Variants in PHACTR1 observed in about 807,000 individuals in gnomAD.
PHACTR1 encodes the protein phosphatase and actin regulator 1.
Under a neutral mutation model 69.2 loss-of-function variants are expected in PHACTR1, and 16 were observed. The ratio of observed to expected loss-of-function variants is 0.23; its 90% CI spans 0.16 to 0.35. The LOEUF (loss-of-function observed/expected upper bound fraction) is 0.35. PHACTR1 is among the 10% of genes least tolerant of loss of function. The pLI is 1.00. For missense variants in PHACTR1, 510 were observed against 734.7 expected, an observed-to-expected ratio of 0.69 and a Z score of 3.54; for synonymous variants, 312 against 284.5, an observed-to-expected ratio of 1.10 and a Z score of -0.97.
intron 4 of PHACTR1, among the ~76,000 whole-genome samples, chr6:13,018,961 C>T (rs1178832675): frequency 6.6e-6 from 1 of 151,916 alleles, no homozygotes; most frequent in Non-Finnish European, 1.5e-5. Context: ...TCAGGCTATC[C>T]TCCCACCTGG....
chr6:13,051,664 G>A (rs1273770194), intron 4 of PHACTR1, among the ~76,000 whole-genome samples: 1 of 152,126 alleles, frequency 6.6e-6, no homozygotes, highest in Non-Finnish European at 1.5e-5. Flanking sequence ...CAAAACTTAA[G>A]CCCAAAGTGA....
At chr6:13,207,443 G>C (rs1171686871) in intron 8 of PHACTR1, among the ~76,000 whole-genome samples, 2 of 152,140 alleles carry the variant, frequency 1.3e-5, no homozygotes, top group Non-Finnish European at 1.5e-5. Context: ...TCTTTCACCA[G>C]AATATGCCTC....
At chr6:12,765,138 G>A (rs1228504458) in intron 4 of PHACTR1, among the ~76,000 whole-genome samples, 1 of 152,182 alleles carries the variant, frequency 6.6e-6, no homozygotes, top group Non-Finnish European at 1.5e-5. Flanking sequence ...CAGGCAAGAA[G>A]AAGGCTCAGT....
chr6:12,830,057 A>AAGGG, intron 4 of PHACTR1, among the ~76,000 whole-genome samples: 1 of 147,292 alleles, frequency 6.8e-6, no homozygotes, highest in Non-Finnish European at 1.5e-5. Flanking sequence ...AGAAGGAAGG[A>AAGGG]AGGAAGGAAA....
At chr6:13,136,260 C>CTGCAGCTTCTCCATCAGCACT (rs1256177041) in intron 5 of PHACTR1, among the ~76,000 whole-genome samples, 2 of 152,056 alleles carry the variant, frequency 1.3e-5, no homozygotes, top group Non-Finnish European at 2.9e-5. Flanking sequence ...GAATAACTTG[C>CTGCAGCTTCTCCATCAGCACT]TGCAGCTTCT....
chr6:13,163,893 A>G (rs888748778), intron 6 of PHACTR1, among the ~76,000 whole-genome samples: 1 of 152,174 alleles, frequency 6.6e-6, no homozygotes, highest in East Asian at 1.9e-4. Context: ...ATAAATTCTC[A>G]ATAAGGGTTA....
chr6:13,017,343 G>C (rs1473300951), intron 4 of PHACTR1, among the ~76,000 whole-genome samples: 1 of 152,076 alleles, frequency 6.6e-6, no homozygotes, highest in Non-Finnish European at 1.5e-5. Flanking sequence ...CTGTGTGTGT[G>C]TGTGTGATGT....
At chr6:12,755,063 G>A (rs1767144008) in intron 4 of PHACTR1, among the ~76,000 whole-genome samples, 1 of 152,176 alleles carries the variant, frequency 6.6e-6, no homozygotes, top group Non-Finnish European at 1.5e-5. Flanking sequence ...GAAACAACTT[G>A]AACACAGAAT....
chr6:13,231,043 GA>G (rs1262530298), intron 10 of PHACTR1, among the ~76,000 whole-genome samples: 2 of 71,756 alleles, frequency 2.8e-5, no homozygotes, highest in South Asian at 6.7e-4. Context: ...GAGAGAGAGA[GA>G]AAGGAAGGAA....
chr6:12,993,762 C>T (rs1797085163), intron 4 of PHACTR1, among the ~76,000 whole-genome samples: 1 of 152,142 alleles, frequency 6.6e-6, no homozygotes, highest in Admixed American at 6.6e-5. Context: ...TTTTAGTACC[C>T]AGAGGATTTG....
At chr6:12,936,476 C>T (rs1362588193) in intron 4 of PHACTR1, among the ~76,000 whole-genome samples, 1 of 152,150 alleles carries the variant, frequency 6.6e-6, no homozygotes, top group Non-Finnish European at 1.5e-5. Context: ...ACTTGCCACT[C>T]ATTTATATGG....
chr6:13,106,117 A>T (rs1816087181), intron 5 of PHACTR1, among the ~76,000 whole-genome samples: 1 of 152,216 alleles, frequency 6.6e-6, no homozygotes, highest in Non-Finnish European at 1.5e-5. Context: ...TATCATTTTA[A>T]CATTTCTATG....
intron 4 of PHACTR1, among the ~76,000 whole-genome samples, chr6:12,836,071 T>G (rs952455125): frequency 1.1e-4 from 16 of 152,240 alleles, no homozygotes; most frequent in Middle Eastern, 6.8e-3. Flanking sequence ...ACAATAATAA[T>G]GGTTGCAATG....
chr6:13,171,669 A>G lies in PHACTR1; in HGVS notation c.497-10850A>G, dbSNP rs1423949455. On this transcript the variant is annotated intron_variant, in intron 6 of 14. Coordinates refer to ENST00000332995, the MANE Select transcript of PHACTR1 (RefSeq NM_030948.6). ...TTTTAACGAACTTGAACACCACTAC[A>G]TGTGTCTAATGAATGCCCTATTTGA... Among the ~76,000 whole-genome samples the G allele has an allele frequency of 3.9e-5, 6 of 152,196 alleles. No individual in the cohort carries two copies. In the South Asian group the frequency reaches 6.2e-4, roughly 16 times the overall value.
chr6:13,151,001 G>A (rs1824222907), intron 5 of PHACTR1, among the ~76,000 whole-genome samples: 1 of 152,192 alleles, frequency 6.6e-6, no homozygotes, highest in South Asian at 2.1e-4. Context: ...AAGCCAGATG[G>A]GAAGTGGAGG....
Position 13,230,152 on chromosome 6 carries a change from G to A in PHACTR1, c.1350G>A (p.Glu450=). 1 of 1,611,548 alleles carries A rather than the reference G, an allele frequency of 6.2e-7. No individual in the cohort carries two copies. Among genetic ancestry groups the A allele is most frequent in the East Asian group, 2.2e-5 (1 of 44,746 alleles). ...TCCTTCCCAGGCAGACGGATGAGGA[G>A]CGGCTGGAGCTGAGGCAACAGATTG... ...KNILPRQTDE[E]RLELRQQIGT... Residue 450 remains glutamate, a synonymous_variant, in exon 10 of 15, where the codon GAG becomes GAA. Transcript: ENST00000332995.
At chr6:13,073,787 T>C (rs915284306) in intron 5 of PHACTR1, among the ~76,000 whole-genome samples, 9 of 152,036 alleles carry the variant, frequency 5.9e-5, no homozygotes, top group African/African-American at 2.2e-4. Flanking sequence ...CTTTTTTTCA[T>C]ATTAGGGATT....
chr6:13,203,999 G>A (rs1478563498), intron 7 of PHACTR1, among the ~76,000 whole-genome samples: 1 of 152,154 alleles, frequency 6.6e-6, no homozygotes, highest in African/African-American at 2.4e-5. Context: ...CTGAATCCAT[G>A]GGCCACCAAA....
At chr6:13,147,331 C>T (rs561404899) in intron 5 of PHACTR1, among the ~76,000 whole-genome samples, 5 of 152,318 alleles carry the variant, frequency 3.3e-5, no homozygotes, top group African/African-American at 9.6e-5. Context: ...AAATTTTCCT[C>T]GGTGCACTCC....
Sources: gnomAD v4.1 joint callset for allele counts (sites outside exome capture counted in the v4.1 genomes callset) on GRCh38, gnomAD v4.1.1 for gene constraint, MANE v1.5 for transcripts, NCBI Gene and HGNC (gene_info 2026-07-23, HGNC 2026-07-21) for gene names.